Variants in NELL2 observed in about 807,000 individuals in gnomAD.
NELL2 encodes neural EGFL like 2, also known as protein kinase C-binding protein NELL2.
NELL2 carries 41 observed loss-of-function variants against 109.6 expected under a neutral mutation model. That is an observed-to-expected ratio of 0.37 (90% confidence interval 0.29 to 0.49). NELL2 has a LOEUF of 0.49. NELL2 is among the 20% of genes least tolerant of loss of function. NELL2 has a pLI of 0.98. For missense variants in NELL2, 900 were observed against 1,008.3 expected (o/e 0.89, Z 1.45); for synonymous variants, 355 against 344.7 (o/e 1.03, Z -0.33).
intron 2 of NELL2, chr12:44,851,928 T>C (rs1944546379): frequency 6.6e-6 from 1 of 152,320 alleles, no homozygotes; most frequent in African/African-American, 2.4e-5. Context: ...TAAGAACAGA[T>C]TTTGCCCTTC....
chr12:44,874,880 T>C, intron 2 of NELL2: 1 of 197,028 alleles, frequency 5.1e-6, no homozygotes, highest in Non-Finnish European at 1.0e-5. Flanking sequence ...TAAGCTATCC[T>C]TTTTCCTACC....
rs145488642 is a variant in NELL2 at position 44,888,631 on chromosome 12, A to T, written c.39-12731T>A. 2.4e-3 allele frequency among the ~76,000 whole-genome samples: 362 copies of T among 152,028 alleles called. 1 individual carries two copies. Among genetic ancestry groups the T allele is most frequent in the African/African-American group, 6.3e-3 (262 of 41,372 alleles). ...ATCAAACTGGGAATGATTAGGTATG[A>T]TATAAAAAGGAATAGTAAGCGGGAT... On this transcript the variant is annotated intron_variant, in intron 1 of 20. Transcript: ENST00000333837.
chr12:44,712,837 T>C (rs1336646583), intron 10 of NELL2, among the ~76,000 whole-genome samples: 1 of 151,930 alleles, frequency 6.6e-6, no homozygotes, highest in East Asian at 1.9e-4. Context: ...GATTACATGT[T>C]GAAATGATGA....
chr12:44,616,438 A>AG (rs35942580), intron 13 of NELL2, among the ~76,000 whole-genome samples: 70,215 of 151,768 alleles, frequency 0.46, 17,405 homozygotes, highest in African/African-American at 0.65. Flanking sequence ...AGATTGTAGC[A>AG]GATATGGCCC....
chr12:44,824,949 A>T (rs1386631866), intron 2 of NELL2, among the ~76,000 whole-genome samples: 1 of 151,904 alleles, frequency 6.6e-6, no homozygotes, highest in African/African-American at 2.4e-5. Flanking sequence ...TGACCTCGTG[A>T]TCCACCCATC....
At position 44,779,902 on chromosome 12, in the gene NELL2, C is replaced by A; in HGVS notation, c.456G>T (p.Lys152Asn). The A allele has an allele frequency of 6.2e-7, 1 of 1,613,916 alleles. No individual in the cohort carries two copies. Among genetic ancestry groups the A allele is most frequent in the Non-Finnish European group, 8.5e-7 (1 of 1,179,810 alleles). Residue 152 changes from lysine to asparagine, a missense_variant, in exon 4 of 20, where the codon AAG becomes AAT. Physicochemically the swap from Lys to Asn is moderately conservative, Grantham distance 94. Coordinates refer to ENST00000429094, the MANE Select transcript of NELL2 (RefSeq NM_001145108.2). The stretch of plus-strand genomic sequence containing the variant: ...GGGAAGCACTGATGGCTAAGGAGAG[C>A]TTGTGCCACTTGTCATCAGCCAAAA... The part of the protein sequence containing the change: ...PYILADDKWH[K>N]LSLAISASHL...
chr12:44,901,231 C>T (rs561677791), intron 1 of NELL2, among the ~76,000 whole-genome samples: 2 of 152,092 alleles, frequency 1.3e-5, no homozygotes, highest in African/African-American at 4.8e-5. Flanking sequence ...ACCACTTATC[C>T]CGTAGAAATA....
At chr12:44,646,386 A>G (rs1176990958) in intron 13 of NELL2, among the ~76,000 whole-genome samples, 3 of 152,212 alleles carry the variant, frequency 2.0e-5, no homozygotes, top group Admixed American at 2.0e-4. Context: ...TTATTGATGG[A>G]GAATATGTTC....
chr12:44,561,021 T>C (rs1401244988), intron 15 of NELL2, among the ~76,000 whole-genome samples: 1 of 152,178 alleles, frequency 6.6e-6, no homozygotes, highest in Non-Finnish European at 1.5e-5. Flanking sequence ...CAAGGCTGGT[T>C]CAACACATGC....
intron 1 of NELL2, among the ~76,000 whole-genome samples, chr12:44,902,588 T>C (rs1268872095): frequency 6.6e-6 from 1 of 152,186 alleles, no homozygotes; most frequent in Non-Finnish European, 1.5e-5. Flanking sequence ...AGAGCCCGTA[T>C]AGCCAAGACA....
At chr12:44,833,847 A>G (rs954735621) in intron 2 of NELL2, among the ~76,000 whole-genome samples, 1 of 152,196 alleles carries the variant, frequency 6.6e-6, no homozygotes, top group African/African-American at 2.4e-5. Context: ...CGGTCCAACT[A>G]TCTCATTAGT....
chr12:44,731,501 C>T (rs1939369067), intron 9 of NELL2, among the ~76,000 whole-genome samples: 1 of 151,990 alleles, frequency 6.6e-6, no homozygotes, highest in South Asian at 2.1e-4. Context: ...ATCACATAAT[C>T]ATTTTAATAT....
chr12:44,872,191 C>T (rs1566571812), intron 2 of NELL2, among the ~76,000 whole-genome samples: 1 of 152,184 alleles, frequency 6.6e-6, no homozygotes, highest in East Asian at 1.9e-4. Context: ...ATTCACTCCT[C>T]TAATTTTTAA....
chr12:44,754,768 T>C (rs1731412276), intron 9 of NELL2, among the ~76,000 whole-genome samples: 1 of 152,182 alleles, frequency 6.6e-6, no homozygotes, highest in South Asian at 2.1e-4. Flanking sequence ...ATCAATAGCT[T>C]TCCTTTGTGC....
chr12:44,751,273 T>C (rs1442074807), intron 9 of NELL2, among the ~76,000 whole-genome samples: 2 of 152,144 alleles, frequency 1.3e-5, no homozygotes, highest in African/African-American at 4.8e-5. Context: ...TTAAAGACAT[T>C]TATAGACTAA....
intron 3 of NELL2, among the ~76,000 whole-genome samples, chr12:44,811,528 G>A (rs910076344): frequency 1.3e-5 from 2 of 151,810 alleles, no homozygotes; most frequent in Non-Finnish European, 2.9e-5. Flanking sequence ...CAGAGAAAAA[G>A]AAAAAGGGTG....
chr12:44,777,323 G>GA lies in NELL2; in HGVS notation c.607-10dup. On this transcript the variant is annotated splice_polypyrimidine_tract_variant and intron_variant, in intron 5 of 19. Coordinates refer to ENST00000429094, the MANE Select transcript of NELL2 (RefSeq NM_001145108.2). ...ACATCTTGCATTATACCCTGTGTGT[G>GA]AAAAATAGAAAAAAAAGACATATTA... 1 of 1,606,726 alleles carries GA rather than the reference G, an allele frequency of 6.2e-7. No individual in the cohort carries two copies. The highest frequency in any genetic ancestry group is 1.3e-5 in the African/African-American group (1 of 74,712).
chr12:44,558,937 G>A (rs1397371673), intron 15 of NELL2, among the ~76,000 whole-genome samples: 1 of 152,130 alleles, frequency 6.6e-6, no homozygotes, highest in Non-Finnish European at 1.5e-5. Context: ...TGAAATTCTT[G>A]CTGCCAGCAC....
rs1252056416 is a variant in NELL2 at position 44,508,705 on chromosome 12, T to A, written c.*229A>T. 1.9e-6 allele frequency: 1 copy of A among 535,036 alleles called. No individual in the cohort carries two copies. The highest frequency in any genetic ancestry group is 1.9e-5 in the African/African-American group (1 of 51,798). The allele number at this position is 535,036 out of a possible 1,614,324, so 33.1% of individuals were successfully genotyped here. On this transcript the variant is annotated 3_prime_UTR_variant, in exon 20 of 20. Coordinates refer to ENST00000429094, the MANE Select transcript of NELL2 (RefSeq NM_001145108.2). ...TATACTGTACGCCCATTCTTCTACA[T>A]GGTGATGTGAGACACAGTAGAGGCA...
Sources: allele counts gnomAD v4.1 joint callset (sites outside exome capture counted in the v4.1 genomes callset), GRCh38; gene constraint gnomAD v4.1.1; transcripts MANE v1.5; gene names NCBI Gene and HGNC (gene_info 2026-07-23, HGNC 2026-07-21).